The following NAA16 variants were observed in gnomAD, a reference collection of about 807,000 sequenced individuals.
NAA16 encodes the protein NARG1-like protein.
In NAA16, 97 loss-of-function variants were observed where a neutral mutation model predicts 110.3. That is an observed-to-expected ratio of 0.88 (90% CI 0.75 to 1.04). The LOEUF is 1.04. Among genes scored for constraint, NAA16 ranks in the 50% least tolerant of loss-of-function variants. NAA16 has a pLI of 0.00. For missense variants in NAA16, 1,017 were observed against 1,005.1 expected, an observed-to-expected ratio of 1.01 and a Z score of -0.16; for synonymous variants, 372 against 330.6, an observed-to-expected ratio of 1.13 and a Z score of -1.36.
At chr13:41,344,911 A>G (rs2042641120) in intron 9 of NAA16, among the ~76,000 whole-genome samples, 1 of 152,224 alleles carries the variant, frequency 6.6e-6, no homozygotes, top group Non-Finnish European at 1.5e-5. Context: ...TCTCAGCTAT[A>G]GGCAACCATT....
intron 8 of NAA16, among the ~76,000 whole-genome samples, chr13:41,332,817 CT>C (rs2042275795): frequency 6.6e-6 from 1 of 151,742 alleles, no homozygotes; most frequent in African/African-American, 2.4e-5. Flanking sequence ...TGTGAAATAC[CT>C]TTTAGAAATG....
At chr13:41,311,705 T>G in intron 1 of NAA16, 123 bp downstream of exon 1, 4 of 901,122 alleles carry the variant, frequency 4.4e-6, no homozygotes, top group Non-Finnish European at 6.8e-6. Flanking sequence ...GCTCTTTGTT[T>G]ACCTCGGAGG....
At chr13:41,318,529 A>T (rs2041866185) in intron 2 of NAA16, among the ~76,000 whole-genome samples, 1 of 152,202 alleles carries the variant, frequency 6.6e-6, no homozygotes, top group African/African-American at 2.4e-5. Context: ...CAGCAGAATA[A>T]TATCAACCAC....
At chr13:41,367,775 A>T (rs2043236925) in intron 14 of NAA16, 123 bp downstream of exon 14, 1 of 638,500 alleles carries the variant, frequency 1.6e-6, no homozygotes, top group African/African-American at 1.9e-5. Context: ...AACATTAGAT[A>T]ACTCATATGC....
At position 41,336,747 on chromosome 13, in the gene NAA16, T is replaced by C; in HGVS notation, c.1005T>C (p.Asn335=). 6.3e-7 allele frequency: 1 copy of C among 1,581,202 alleles called. No individual in the cohort carries two copies. Among genetic ancestry groups the C allele is most frequent in the Admixed American group, 1.8e-5 (1 of 56,932 alleles). The part of the protein sequence containing the change: ...LFTTLKSLYY[N]TEKVSIIQEL... ...CTACTTTGAAATCTTTATATTACAA[T>C]ACAGAAAAGGTAAAATTTGGTATTT... Residue 335 remains asparagine, a synonymous_variant, in exon 9 of 20, where the codon AAT becomes AAC. Coordinates refer to ENST00000379406, the MANE Select transcript of NAA16 (RefSeq NM_024561.5).
At chr13:41,350,661 C>T (rs1206995018) in intron 9 of NAA16, among the ~76,000 whole-genome samples, 2 of 147,922 alleles carry the variant, frequency 1.4e-5, no homozygotes, top group African/African-American at 2.5e-5. Context: ...ACTCCCGTTG[C>T]CCAGGCTGGA....
intron 9 of NAA16, among the ~76,000 whole-genome samples, chr13:41,348,328 C>G (rs991276385): frequency 6.6e-6 from 1 of 152,044 alleles, no homozygotes; most frequent in Non-Finnish European, 1.5e-5. Flanking sequence ...CCACCATACC[C>G]AGCCAGTTCT....
At chr13:41,343,833 A>T (rs1387906178) in intron 9 of NAA16, among the ~76,000 whole-genome samples, 2 of 151,222 alleles carry the variant, frequency 1.3e-5, no homozygotes, top group African/African-American at 4.9e-5. Context: ...GAGCCACTGC[A>T]CCCGGCCTAG....
At chr13:41,348,359 G>A (rs184381569) in intron 9 of NAA16, among the ~76,000 whole-genome samples, 4 of 151,982 alleles carry the variant, frequency 2.6e-5, no homozygotes, top group African/African-American at 9.7e-5. Context: ...AGTAGAAACG[G>A]GATTTCACTA....
rs776936318 is a variant in NAA16 at position 41,339,129 on chromosome 13, G to GTTT, written c.1014+2375_1014+2376insTTT. 9.2e-4 allele frequency among the ~76,000 whole-genome samples: 139 copies of GTTT among 151,712 alleles called. 1 individual carries two copies. The highest frequency in any genetic ancestry group is 2.9e-3 in the Admixed American group (44 of 15,252). On this transcript the variant is annotated intron_variant, in intron 9 of 19. Coordinates refer to ENST00000379406, the MANE Select transcript of NAA16 (RefSeq NM_024561.5). ...AAATGTATTTCTTGTTTTTGTTGTT[G>GTTT]TTGTTTGTTTGTTTGTTTGTTTGTT...
chr13:41,332,162 A>G (rs548186518), intron 8 of NAA16, among the ~76,000 whole-genome samples: 2 of 151,538 alleles, frequency 1.3e-5, no homozygotes, highest in South Asian at 2.1e-4. Context: ...GGCTCAAGCT[A>G]TAGTTTTGAA....
chr13:41,355,317 A>G (rs903505858), intron 10 of NAA16, 101 bp downstream of exon 10: 7 of 653,308 alleles, frequency 1.1e-5, no homozygotes, highest in Admixed American at 5.6e-5. Context: ...CCTAATGGCT[A>G]CTTAATAAAT....
intron 13 of NAA16, among the ~76,000 whole-genome samples, chr13:41,364,562 A>G (rs765741171): frequency 1.3e-5 from 2 of 152,068 alleles, no homozygotes; most frequent in Non-Finnish European, 2.9e-5. Context: ...ATCTTTCAAG[A>G]ATTGAGTTTT....
chr13:41,337,302 G>A (rs2139431961), intron 9 of NAA16, among the ~76,000 whole-genome samples: 1 of 152,236 alleles, frequency 6.6e-6, no homozygotes, highest in African/African-American at 2.4e-5. Flanking sequence ...CTAGCACTTT[G>A]GGAGGCTGAG....
At position 41,374,740 on chromosome 13, in the gene NAA16, A is replaced by C. The variant is rs1404646877; in HGVS notation, c.2300-2A>C. The C allele has an allele frequency of 6.3e-7, 1 of 1,596,444 alleles. No individual in the cohort carries two copies. Reference sequence around the variant, plus strand: ...TCATTTTGAAATGCCTTGGTATTTCAGGTGCTAAAATGATGTATTTTCTGG... The same window carrying C: ...TCATTTTGAAATGCCTTGGTATTTCCGGTGCTAAAATGATGTATTTTCTGG... On this transcript the variant is annotated splice_acceptor_variant, in intron 18 of 19. Coordinates refer to ENST00000379406, the MANE Select transcript of NAA16 (RefSeq NM_024561.5). LOFTEE classifies it high-confidence loss of function.
intron 9 of NAA16, among the ~76,000 whole-genome samples, chr13:41,338,074 A>G (rs1270186597): frequency 6.6e-6 from 1 of 152,216 alleles, no homozygotes; most frequent in Non-Finnish European, 1.5e-5. Flanking sequence ...TTTCTGTGTA[A>G]ACATGTACCC....
At chr13:41,330,560 A>G (rs1418646229) in intron 7 of NAA16, among the ~76,000 whole-genome samples, 1 of 151,984 alleles carries the variant, frequency 6.6e-6, no homozygotes, top group Non-Finnish European at 1.5e-5. Flanking sequence ...CTCTTTGTGA[A>G]TTATGCAGGA....
intron 9 of NAA16, among the ~76,000 whole-genome samples, chr13:41,349,686 C>T (rs1232065554): frequency 1.3e-5 from 2 of 151,854 alleles, no homozygotes; most frequent in East Asian, 1.9e-4. Flanking sequence ...CATACGTGGC[C>T]GGGTGTGGTG....
At chr13:41,330,164 T>G (rs1352999747) in intron 7 of NAA16, among the ~76,000 whole-genome samples, 2 of 152,002 alleles carry the variant, frequency 1.3e-5, no homozygotes, top group African/African-American at 4.8e-5. Flanking sequence ...TCCAAATCAT[T>G]AACAGAGAGC....
Sources: allele counts gnomAD v4.1 joint callset (sites outside exome capture counted in the v4.1 genomes callset), GRCh38; gene constraint gnomAD v4.1.1; transcripts MANE v1.5; gene names NCBI Gene and HGNC (gene_info 2026-07-23, HGNC 2026-07-21).